Variants in MMP11 observed in about 807,000 individuals in gnomAD.
The protein encoded by MMP11 is matrix metallopeptidase 11, also known as stromelysin-3.
A neutral mutation model predicts 49.5 loss-of-function variants in MMP11; 26 were observed. That is an observed-to-expected ratio of 0.52 (90% CI 0.38 to 0.73). The LOEUF is 0.73. Among genes scored for constraint, MMP11 ranks in the 30% least tolerant of loss-of-function variants. The pLI is 0.00. For synonymous variants in MMP11, 265 were observed against 282.3 expected, an observed-to-expected ratio of 0.94 and a Z score of 0.62; for missense variants, 624 against 671.2, an observed-to-expected ratio of 0.93 and a Z score of 0.78.
intron 7 of MMP11, 85 bp downstream of exon 7, chr22:23,782,568 G>A: frequency 6.8e-7 from 1 of 1,465,908 alleles, no homozygotes; most frequent in Non-Finnish European, 9.1e-7. Context: ...CCACATGCCT[G>A]CCACAGGAAG....
intron 1 of MMP11, 135 bp downstream of exon 1, chr22:23,773,113 T>G: frequency 8.1e-6 from 8 of 983,918 alleles, no homozygotes; most frequent in South Asian, 4.9e-5. Flanking sequence ...CGCTTTCTGG[T>G]TCCCTCTAGG....
intron 6 of MMP11, 69 bp from the exon 7 acceptor site, chr22:23,782,157 G>T: frequency 6.4e-7 from 1 of 1,568,976 alleles, no homozygotes; most frequent in Non-Finnish European, 8.6e-7. Context: ...TAGGGGTCAA[G>T]CAGGTCCACA....
rs1049424644 is a variant in MMP11 at position 23,780,017 on chromosome 22, GAATTTCCT to G, written c.339-340_339-333del. 2.0e-5 allele frequency: 7 copies of G among 354,658 alleles called. No individual in the cohort carries two copies. The highest frequency in any genetic ancestry group is 3.7e-5 in the Non-Finnish European group (7 of 189,052). The allele number at this position is 354,658 out of a possible 1,614,324, so 22.0% of individuals were successfully genotyped here. ...ATTGGAGCTGAGACTGGGGTCTTTA[GAATTTCCT>G]AGGTGGGGGCCTGGGAACCAACAGG... is the stretch of plus-strand genomic sequence containing the variant. On this transcript the variant is annotated intron_variant, in intron 2 of 7. Coordinates refer to ENST00000215743, the MANE Select transcript of MMP11 (RefSeq NM_005940.5). The surrounding 1 kb of genome is among the most constrained non-coding windows in gnomAD (Gnocchi z 4.6).
rs1249642008 is a variant in MMP11, at chr22:23,780,067, G to A, written c.339-292G>A. The A allele has an allele frequency of 4.4e-6, 2 of 459,330 alleles. No homozygotes were observed. The highest frequency in any genetic ancestry group is 7.9e-6 in the Non-Finnish European group (2 of 252,680). 28.5% of individuals were successfully genotyped at this position (459,330 alleles called of 1,614,324 possible). On this transcript the variant is annotated intron_variant, in intron 2 of 7. Coordinates refer to ENST00000215743, the MANE Select transcript of MMP11 (RefSeq NM_005940.5). The surrounding 1 kb of genome is among the most constrained non-coding windows in gnomAD (Gnocchi z 4.6). ...ACCAACAGGGGCTCAAGGAACCAAG[G>A]TGTCCCCACAGTAAGTGGCACTGTC...
intron 1 of MMP11, among the ~76,000 whole-genome samples, chr22:23,777,342 C>T (rs552546868): frequency 1.3e-3 from 195 of 151,344 alleles, no homozygotes; most frequent in African/African-American, 4.4e-3. Context: ...CCGAGGCAGG[C>T]GGATCACAAG....
Position 23,780,805 on chromosome 22 carries a change from C to G in MMP11, c.617-54C>G. The stretch of plus-strand genomic sequence containing the variant: ...AAGGTCACTGAGCTGGGGTCTGGAG[C>G]TGGATGTCCTGGGCAGGAGGTTCGG... On this transcript the variant is annotated intron_variant, in intron 4 of 7. Coordinates refer to ENST00000215743, the MANE Select transcript of MMP11 (RefSeq NM_005940.5). This position sits in a 1 kb window ranked among gnomAD's most constrained non-coding sequence, Gnocchi z 4.6. 1.3e-6 allele frequency: 2 copies of G among 1,581,116 alleles called. No individual in the cohort carries two copies. Among genetic ancestry groups the G allele is most frequent in the Non-Finnish European group, 1.7e-6 (2 of 1,163,310 alleles).
chr22:23,778,419 C>T (rs5760007), intron 1 of MMP11, among the ~76,000 whole-genome samples: 1 of 152,284 alleles, frequency 6.6e-6, no homozygotes, highest in East Asian at 1.9e-4. Flanking sequence ...AATTAACTGT[C>T]CCCACCCTCC....
chr22:23,783,275 A>G, intron 7 of MMP11, 136 bp from the exon 8 acceptor site: 1 of 1,027,368 alleles, frequency 9.7e-7, no homozygotes. Flanking sequence ...TGGATCCTGC[A>G]GGACTCGAGG....
intron 6 of MMP11, chr22:23,781,778 A>G: frequency 1.7e-6 from 1 of 594,284 alleles, no homozygotes; most frequent in South Asian, 1.5e-5. Flanking sequence ...ATCCAGGTCT[A>G]TCATCCTAGA....
At chr22:23,776,178 T>C (rs1031786885) in intron 1 of MMP11, among the ~76,000 whole-genome samples, 2 of 152,168 alleles carry the variant, frequency 1.3e-5, no homozygotes, top group African/African-American at 4.8e-5. Flanking sequence ...CATGACTGTC[T>C]GCACCAGGAC....
At chr22:23,777,393 C>T (rs1038758547) in intron 1 of MMP11, among the ~76,000 whole-genome samples, 1 of 151,932 alleles carries the variant, frequency 6.6e-6, no homozygotes, top group South Asian at 2.1e-4. Context: ...GGTGAAATCC[C>T]GTTTCTACTA....
At chr22:23,774,651 C>T (rs1402084638) in intron 1 of MMP11, among the ~76,000 whole-genome samples, 1 of 152,146 alleles carries the variant, frequency 6.6e-6, no homozygotes, top group Non-Finnish European at 1.5e-5. Flanking sequence ...GGTTGCTTGA[C>T]CTCTCTGAGC....
chr22:23,782,446 G>A lies in MMP11; in HGVS notation c.1296G>A (p.Val432=). 1 of 1,613,236 alleles carries A rather than the reference G, an allele frequency of 6.2e-7. No individual in the cohort carries two copies. Among genetic ancestry groups the A allele is most frequent in the South Asian group, 1.1e-5 (1 of 91,044 alleles). The change falls in exon 7 of 8, where the codon GTG becomes GTA. Residue 432 remains valine (V), a synonymous_variant. Transcript: ENST00000215743. The part of the protein sequence containing the change: ...VPRRATDWRG[V]PSEIDAAFQD... ...GCAGGGCCACTGACTGGAGAGGGGTGCCCTCTGAGATCGACGCTGCCTTCC... is the reference window on the plus strand; with the variant it reads ...GCAGGGCCACTGACTGGAGAGGGGTACCCTCTGAGATCGACGCTGCCTTCC...
At chr22:23,777,904 C>G (rs1277724380) in intron 1 of MMP11, 1 of 152,292 alleles carries the variant, frequency 6.6e-6, no homozygotes, top group Non-Finnish European at 1.5e-5. Context: ...AGAAGGCCCC[C>G]CTTCATGGTG....
intron 1 of MMP11, among the ~76,000 whole-genome samples, chr22:23,773,891 G>T (rs1303612810): frequency 6.6e-6 from 1 of 152,186 alleles, no homozygotes; most frequent in Non-Finnish European, 1.5e-5. Flanking sequence ...GAGGAGGCAG[G>T]CCTGGCCAGG....
intron 6 of MMP11, chr22:23,781,982 C>T: frequency 4.4e-6 from 3 of 680,046 alleles, no homozygotes; most frequent in Non-Finnish European, 8.0e-6. Context: ...GCCCAGGCAG[C>T]CCTCTACTGA....
chr22:23,783,548 T>C lies in MMP11; in HGVS notation c.*4T>C. The C allele has an allele frequency of 6.2e-7, 1 of 1,614,070 alleles. No individual in the cohort carries two copies. The highest frequency in any genetic ancestry group is 1.3e-5 in the African/African-American group (1 of 75,038). On this transcript the variant is annotated 3_prime_UTR_variant, in exon 8 of 8. Transcript: ENST00000215743. ...GCCTGCCAACACTTTCCTCTGACCA[T>C]GGCTTGGATGCCCTCAGGGGTGCTG...
chr22:23,779,793 G>T (rs1324676127), intron 2 of MMP11: 4 of 310,600 alleles, frequency 1.3e-5, no homozygotes, highest in Non-Finnish European at 2.4e-5. Context: ...TCTGAGGTGG[G>T]TGTCAGCCAT....
Position 23,780,843 on chromosome 22 carries a change from C to T in MMP11, c.617-16C>T, listed in dbSNP as rs371106774. The T allele has an allele frequency of 1.2e-6, 2 of 1,607,990 alleles. No individual in the cohort carries two copies. The highest frequency in any genetic ancestry group is 2.7e-5 in the African/African-American group (2 of 74,870). On this transcript the variant is annotated splice_polypyrimidine_tract_variant and intron_variant, in intron 4 of 7. Coordinates refer to ENST00000215743, the MANE Select transcript of MMP11 (RefSeq NM_005940.5). This position sits in a 1 kb window ranked among gnomAD's most constrained non-coding sequence, Gnocchi z 4.6. ...GCAGGAGGTTCGGGGGTTGCTGAGC[C>T]ACCTCCCTTTTTCAGGCACAGACCT... is the stretch of plus-strand genomic sequence containing the variant.
Sources: gnomAD v4.1 joint callset for allele counts (sites outside exome capture counted in the v4.1 genomes callset) on GRCh38, gnomAD v4.1.1 for gene constraint, Gnocchi (gnomAD v3.1) non-coding constraint, MANE v1.5 for transcripts, NCBI Gene and HGNC (gene_info 2026-07-23, HGNC 2026-07-21) for gene names.